Variants in NXPE2 observed in about 807,000 individuals in gnomAD.
NXPE2 encodes the protein NXPE family member 2.
In NXPE2, 34 loss-of-function variants were observed where a neutral mutation model predicts 34.4. The ratio of observed to expected loss-of-function variants is 0.99; its 90% CI spans 0.75 to 1.31. NXPE2 has a LOEUF of 1.31. NXPE2 is among the 40% of genes most tolerant of loss of function. NXPE2 has a pLI of 0.00. For missense variants in NXPE2, 649 were observed against 672.5 expected (o/e 0.97, Z 0.39); for synonymous variants, 235 against 231.3 (o/e 1.02, Z -0.15).
chr11:114,733,012 G>T, the NXPE2 span, among the ~76,000 whole-genome samples: 1 of 152,006 alleles, frequency 6.6e-6, no homozygotes, highest in African/African-American at 2.4e-5. Context: ...TGTTCAGTTT[G>T]CTCTTTTAAC....
the NXPE2 span, among the ~76,000 whole-genome samples, chr11:114,468,491 TTAGG>T: frequency 1.8e-4 from 27 of 152,214 alleles, no homozygotes; most frequent in Non-Finnish European, 3.2e-4. Flanking sequence ...TAACAAATGC[TTAGG>T]TAGCCTTTAT....
the NXPE2 span, among the ~76,000 whole-genome samples, chr11:114,610,773 A>C: frequency 0.01 from 1,553 of 152,078 alleles, 24 homozygotes; most frequent in African/African-American, 0.035. Flanking sequence ...GTCGGTAACC[A>C]CTGTTACCCA....
chr11:114,613,323 G>A, the NXPE2 span, among the ~76,000 whole-genome samples: 1 of 151,876 alleles, frequency 6.6e-6, no homozygotes, highest in Non-Finnish European at 1.5e-5. Context: ...GGTAACCACT[G>A]TTACCCGATG....
the NXPE2 span, among the ~76,000 whole-genome samples, chr11:114,809,861 A>G: frequency 8.2e-6 from 1 of 122,496 alleles, no homozygotes. Flanking sequence ...ATATGGAACC[A>G]AAAAAGAGCC....
chr11:114,580,772 TA>T, the NXPE2 span, among the ~76,000 whole-genome samples: 1 of 152,182 alleles, frequency 6.6e-6, no homozygotes, highest in Admixed American at 6.5e-5. Context: ...ATAAAGGTGA[TA>T]TAAAAAATAT....
chr11:114,758,884 G>A, the NXPE2 span, among the ~76,000 whole-genome samples: 89 of 146,764 alleles, frequency 6.1e-4, no homozygotes, highest in African/African-American at 2.1e-3. Flanking sequence ...AAATATAAAC[G>A]TATATAAATT....
chr11:114,673,432 A>C, the NXPE2 span, among the ~76,000 whole-genome samples: 1 of 151,680 alleles, frequency 6.6e-6, no homozygotes, highest in African/African-American at 2.4e-5. Flanking sequence ...GAAAATGTAG[A>C]GCAAACTAAG....
chr11:114,618,137 T>C, the NXPE2 span, among the ~76,000 whole-genome samples: 101,680 of 151,380 alleles, frequency 0.67, 34,365 homozygotes, highest in African/African-American at 0.75. Context: ...CAGTGTTACC[T>C]GGTGGATAGT....
chr11:114,678,908 A>G (rs1950895369), intron 1 of NXPE2, among the ~76,000 whole-genome samples: 2 of 134,132 alleles, frequency 1.5e-5, no homozygotes, highest in Admixed American at 7.5e-5. Context: ...ATTTGGTATG[A>G]TGTTTTTTTT....
At chr11:114,602,274 T>C in the NXPE2 span, among the ~76,000 whole-genome samples, 1 of 118,776 alleles carries the variant, frequency 8.4e-6, no homozygotes, top group Non-Finnish European at 1.6e-5. Flanking sequence ...ATATATATTA[T>C]ACTATATATA....
the NXPE2 span, among the ~76,000 whole-genome samples, chr11:114,789,986 T>C: frequency 6.6e-6 from 1 of 152,164 alleles, no homozygotes; most frequent in African/African-American, 2.4e-5. Context: ...TGCAGGGAAT[T>C]CCCTACAATG....
At chr11:114,615,951 T>G in the NXPE2 span, among the ~76,000 whole-genome samples, 1 of 151,598 alleles carries the variant, frequency 6.6e-6, no homozygotes, top group Non-Finnish European at 1.5e-5. Context: ...GGGTAACCAC[T>G]GTTACCCATT....
chr11:114,583,293 A>T, the NXPE2 span: 2 of 641,700 alleles, frequency 3.1e-6, no homozygotes, highest in Non-Finnish European at 5.8e-6. Context: ...GTCTGTTACT[A>T]CTACGATAGG....
chr11:114,530,627 G>A, the NXPE2 span: 4 of 1,614,150 alleles, frequency 2.5e-6, no homozygotes, highest in South Asian at 3.3e-5. Context: ...TCTGTCCCAA[G>A]TGGTCCCTCA....
chr11:114,780,912 G>A, the NXPE2 span, among the ~76,000 whole-genome samples: 10 of 152,310 alleles, frequency 6.6e-5, no homozygotes, highest in East Asian at 3.9e-4. Context: ...GGGATGTGGC[G>A]TTGGGGGAGG....
chr11:114,501,189 A>T, the NXPE2 span, among the ~76,000 whole-genome samples: 1 of 152,184 alleles, frequency 6.6e-6, no homozygotes, highest in South Asian at 2.1e-4. Context: ...GTTTTTTTAA[A>T]ACAATGCAGA....
the NXPE2 span, among the ~76,000 whole-genome samples, chr11:114,545,268 G>A: frequency 2.0e-5 from 3 of 152,310 alleles, no homozygotes; most frequent in East Asian, 5.8e-4. Flanking sequence ...GCACATGAAT[G>A]TTTATAGCAG....
intron 2 of NXPE2, among the ~76,000 whole-genome samples, chr11:114,680,069 G>A (rs950732202): frequency 2.0e-5 from 3 of 152,040 alleles, no homozygotes; most frequent in Non-Finnish European, 4.4e-5. Context: ...CTTGGCCTCT[G>A]AGATTTCAAA....
At chr11:114,804,593 T>A in the NXPE2 span, among the ~76,000 whole-genome samples, 1 of 152,230 alleles carries the variant, frequency 6.6e-6, no homozygotes, top group Non-Finnish European at 1.5e-5. Context: ...GTATTTGCAT[T>A]GTCACTTTTT....
Sources: gnomAD v4.1 joint callset for allele counts (sites outside exome capture counted in the v4.1 genomes callset) on GRCh38, gnomAD v4.1.1 for gene constraint, MANE v1.5 for transcripts, NCBI Gene and HGNC (gene_info 2026-07-23, HGNC 2026-07-21) for gene names.